SPECC1: variants seen among roughly 807,000 people sequenced by gnomAD.
SPECC1 encodes sperm antigen with calponin homology and coiled-coil domains 1, also known as cytospin-B.
SPECC1 carries 62 observed loss-of-function variants against 104.1 expected under a neutral mutation model. The ratio of observed to expected loss-of-function variants is 0.60; its 90% confidence interval spans 0.49 to 0.74. SPECC1 has a LOEUF of 0.74. Among genes scored for constraint, SPECC1 ranks in the 30% least tolerant of loss-of-function variants. SPECC1 has a pLI of 0.00. For synonymous variants in SPECC1, 513 were observed against 501.6 expected (o/e 1.02, Z -0.30); for missense variants, 1,306 against 1,310.5 (o/e 1.00, Z 0.05).
intron 1 of SPECC1, among the ~76,000 whole-genome samples, chr17:20,092,941 C>A (rs541205006): frequency 1.3e-4 from 20 of 152,266 alleles, no homozygotes; most frequent in Non-Finnish European, 2.5e-4. Context: ...AGAGGCCATC[C>A]GTCCCTGGTG....
At chr17:20,271,240 C>T (rs186477078) in intron 12 of SPECC1, among the ~76,000 whole-genome samples, 40 of 152,092 alleles carry the variant, frequency 2.6e-4, no homozygotes, top group Admixed American at 7.2e-4. Flanking sequence ...TTTACCTCTA[C>T]GTTGCTGACT....
At chr17:20,109,524 C>A (rs1275937872) in intron 2 of SPECC1, among the ~76,000 whole-genome samples, 1 of 152,212 alleles carries the variant, frequency 6.6e-6, no homozygotes, top group Non-Finnish European at 1.5e-5. Flanking sequence ...ACTTCAGCAC[C>A]TTTTAGCAAA....
chr17:20,063,595 G>A (rs1343162132), intron 1 of SPECC1, among the ~76,000 whole-genome samples: 1 of 152,208 alleles, frequency 6.6e-6, no homozygotes, highest in Non-Finnish European at 1.5e-5. Flanking sequence ...ACCCGTTCAT[G>A]TAGAGGAAGG....
At chr17:20,039,512 ATTC>A (rs1362566453) in intron 1 of SPECC1, among the ~76,000 whole-genome samples, 1 of 152,150 alleles carries the variant, frequency 6.6e-6, no homozygotes, top group Non-Finnish European at 1.5e-5. Flanking sequence ...GATATATTTT[ATTC>A]TTTTAATTTC....
intron 1 of SPECC1, among the ~76,000 whole-genome samples, chr17:20,021,248 C>T (rs9900987): frequency 5.3e-5 from 8 of 151,896 alleles, no homozygotes; most frequent in African/African-American, 1.9e-4. Flanking sequence ...TGGACACAGG[C>T]AGTTCAAACC....
At chr17:20,266,288 T>C (rs368011830) in intron 12 of SPECC1, among the ~76,000 whole-genome samples, 3 of 152,274 alleles carry the variant, frequency 2.0e-5, no homozygotes, top group Admixed American at 1.3e-4. Context: ...CCAGGTAATA[T>C]TGTAGGTGCT....
chr17:20,243,599 A>G (rs2039296997), intron 7 of SPECC1, among the ~76,000 whole-genome samples: 4 of 152,190 alleles, frequency 2.6e-5, no homozygotes, highest in Admixed American at 1.3e-4. Context: ...ACTGTTACAT[A>G]ACACAGTGGG....
At chr17:20,077,777 A>G (rs977275370) in intron 1 of SPECC1, among the ~76,000 whole-genome samples, 1 of 152,014 alleles carries the variant, frequency 6.6e-6, no homozygotes, top group Admixed American at 6.6e-5. Flanking sequence ...TGTTGCTTTT[A>G]TGATATGTAG....
intron 4 of SPECC1, among the ~76,000 whole-genome samples, chr17:20,217,909 A>G (rs1221277399): frequency 3.3e-5 from 5 of 152,002 alleles, no homozygotes; most frequent in African/African-American, 4.8e-5. Context: ...ATGCACACCT[A>G]TAGTCCTGGC....
chr17:20,118,642 G>C (rs1362267128), intron 3 of SPECC1, among the ~76,000 whole-genome samples: 1 of 152,120 alleles, frequency 6.6e-6, no homozygotes, highest in Non-Finnish European at 1.5e-5. Context: ...TTCCTGGAAG[G>C]ATGTCAGAAT....
chr17:20,205,363 A>G lies in SPECC1; in HGVS notation c.1314A>G (p.Gln438=). ...QHRERAEQLS[Q]ENEKLMNLLQ... ...GAGAGAGGGCAGAGCAGCTAAGTCA[A>G]GAAAATGAGAAGCTGATGAATCTTT... The change falls in exon 4 of 15, where the codon CAA becomes CAG. Residue 438 remains glutamine, a synonymous_variant. Transcript: ENST00000395527. 6.2e-7 allele frequency: 1 copy of G among 1,613,774 alleles called. No homozygotes were observed. Among genetic ancestry groups the G allele is most frequent in the South Asian group, 1.1e-5 (1 of 90,962 alleles).
chr17:20,143,825 C>A (rs1006248845), intron 3 of SPECC1, among the ~76,000 whole-genome samples: 3 of 152,172 alleles, frequency 2.0e-5, no homozygotes, highest in African/African-American at 7.2e-5. Context: ...GGATGGGGGG[C>A]TGATCACGCA....
rs1040354542 is a variant in SPECC1, at chr17:20,239,873, G to A, written c.2352-6053G>A. Among the ~76,000 whole-genome samples, 9 of 116,518 alleles carry A rather than the reference G, an allele frequency of 7.7e-5. 1 individual carries two copies. The highest frequency in any genetic ancestry group is 3.0e-4 in the Admixed American group (3 of 9,852). The allele number at this position is 116,518 out of a possible 152,430, so 76.4% of individuals were successfully genotyped here. On this transcript the variant is annotated intron_variant, in intron 7 of 14. Transcript: ENST00000395527. The stretch of plus-strand genomic sequence containing the variant: ...TTATTAGCACTTTAATTTGCATTTC[G>A]CTGAGTTTTTTTTTTTTTTTTTTTT...
chr17:20,047,600 TCTAA>T (rs2045586905), intron 1 of SPECC1, among the ~76,000 whole-genome samples: 1 of 151,916 alleles, frequency 6.6e-6, no homozygotes, highest in Non-Finnish European at 1.5e-5. Context: ...ATCTCTCGTA[TCTAA>T]CTTTTTTTTT....
intron 3 of SPECC1, among the ~76,000 whole-genome samples, chr17:20,122,779 A>G (rs2152538215): frequency 6.6e-6 from 1 of 152,300 alleles, no homozygotes. Context: ...AATATCCTCA[A>G]GGTACATCCA....
intron 1 of SPECC1, among the ~76,000 whole-genome samples, chr17:20,031,875 C>T (rs990751187): frequency 9.2e-5 from 14 of 152,140 alleles, no homozygotes; most frequent in East Asian, 1.9e-4. Flanking sequence ...ATTGTGTATA[C>T]ATATACCACA....
At chr17:20,028,359 A>G (rs1345923093) in intron 1 of SPECC1, among the ~76,000 whole-genome samples, 1 of 151,848 alleles carries the variant, frequency 6.6e-6, no homozygotes, top group East Asian at 1.9e-4. Context: ...TCTGGGCTGG[A>G]TGTGGTGGCT....
Position 20,226,321 on chromosome 17 carries a change from G to A in SPECC1, c.1864-1092G>A, listed in dbSNP as rs867526667. Among the ~76,000 whole-genome samples, 58 of 152,324 alleles carry A rather than the reference G, an allele frequency of 3.8e-4. No homozygotes were observed. In the South Asian group the frequency reaches 6.2e-3, roughly 16 times the overall value. ...AACACAGTTAAAATGCAGGAGCATA[G>A]TAAGCATAGTATTGTAGAGGACAAA... On this transcript the variant is annotated intron_variant, in intron 4 of 14. Coordinates refer to ENST00000395527, the MANE Select transcript of SPECC1 (RefSeq NM_001243439.2).
chr17:20,061,919 C>T (rs963873560), intron 1 of SPECC1, among the ~76,000 whole-genome samples: 2 of 152,020 alleles, frequency 1.3e-5, no homozygotes, highest in South Asian at 4.1e-4. Flanking sequence ...TTTTTCTTAC[C>T]TATTATGTTT....
Sources: gnomAD v4.1 joint callset for allele counts (sites outside exome capture counted in the v4.1 genomes callset) on GRCh38, gnomAD v4.1.1 for gene constraint, MANE v1.5 for transcripts, NCBI Gene and HGNC (gene_info 2026-07-23, HGNC 2026-07-21) for gene names.